IRGQ: variants seen among roughly 807,000 people sequenced by gnomAD.
IRGQ encodes immunity related GTPase Q.
IRGQ carries 5 observed loss-of-function variants against 10.5 expected under a neutral mutation model. The ratio of observed to expected loss-of-function variants is 0.48; its 90% CI spans 0.25 to 1.00. IRGQ has a LOEUF of 1.00. Ranked by LOEUF, IRGQ falls within the 50% of genes least tolerant of loss-of-function variation. The pLI, the probability that IRGQ is intolerant of heterozygous loss-of-function variation, is 0.16. For synonymous variants in IRGQ, 418 were observed against 426.0 expected, an observed-to-expected ratio of 0.98 and a Z score of 0.23; for missense variants, 792 against 877.7, an observed-to-expected ratio of 0.90 and a Z score of 1.23.
rs754354189 is a variant in IRGQ at position 43,595,144 on chromosome 19, G to C, written c.195C>G (p.Pro65=). The C allele has an allele frequency of 1.2e-6, 2 of 1,601,972 alleles. No homozygotes were observed. The highest frequency in any genetic ancestry group is 1.1e-5 in the South Asian group (1 of 90,256). Residue 65 remains proline (P), a synonymous_variant, in exon 2 of 3, where the codon CCC becomes CCG. Coordinates refer to ENST00000422989, the MANE Select transcript of IRGQ (RefSeq NM_001007561.3). ...CCGCCGCCCAGGGCCCCGGCGCTGC[G>C]GGTGGGCAGCTCAGCTCGCCCAGAA... is the stretch of plus-strand genomic sequence containing the variant. ...GLFLGELSCP[P]AAPGPWAAEA... is the part of the protein sequence containing the mutation.
Position 43,592,578 on chromosome 19 carries a change from T to C in IRGQ, c.1320A>G (p.Pro440=). 1.3e-6 allele frequency: 2 copies of C among 1,599,644 alleles called. No individual in the cohort carries two copies. The highest frequency in any genetic ancestry group is 1.1e-5 in the South Asian group (1 of 91,030). The change falls in exon 3 of 3, where the codon CCA becomes CCG. Residue 440 remains proline (P), a synonymous_variant. Coordinates refer to ENST00000422989, the MANE Select transcript of IRGQ (RefSeq NM_001007561.3). ...CTCGCCGCAGCCATTCGCATAGCCCTGGGAGTCCGCCAGGCCGTAGGGGGA... is the reference window on the plus strand; with the variant it reads ...CTCGCCGCAGCCATTCGCATAGCCCCGGGAGTCCGCCAGGCCGTAGGGGGA... ...PVFPLRPGGL[P]GLCEWLRRAL...
In IRGQ at chr19:43,595,359, A is replaced by G; in HGVS notation, c.-2-19T>C. The stretch of plus-strand genomic sequence containing the variant: ...GGCATGGCTGGAAAGCAACGGGTAG[A>G]GAAGACCTGGGTCAGGGAGCACCTA... On this transcript the variant is annotated intron_variant, in intron 1 of 2. Transcript: ENST00000422989. 6.6e-7 allele frequency: 1 copy of G among 1,522,160 alleles called. No individual in the cohort carries two copies. Among genetic ancestry groups the G allele is most frequent in the Non-Finnish European group, 8.8e-7 (1 of 1,140,880 alleles). 94.3% of individuals were successfully genotyped at this position (1,522,160 alleles called of 1,614,324 possible).
chr19:43,588,587 C>G lies in IRGQ; in HGVS notation c.*3439G>C, dbSNP rs1220030931. 6.6e-6 allele frequency: 1 copy of G among 151,972 alleles called. No individual in the cohort carries two copies. The highest frequency in any genetic ancestry group is 2.4e-5 in the African/African-American group (1 of 41,362). The allele number at this position is 151,972 out of a possible 1,614,324, so 9.4% of individuals were successfully genotyped here. A position where few individuals can be genotyped will look rare whatever the true frequency, so the allele number is the denominator to read the frequency against. ...TACAAAAATTAGCCAGGCATGGTGG[C>G]ATATGCCTGTAATCCCAGCTACTCA... is the stretch of plus-strand genomic sequence containing the variant. On this transcript the variant is annotated 3_prime_UTR_variant, in exon 3 of 3. Coordinates refer to ENST00000422989, the MANE Select transcript of IRGQ (RefSeq NM_001007561.3).
In IRGQ at chr19:43,586,680, C is replaced by T. The variant is rs1387474556; in HGVS notation, c.*5346G>A. Reference sequence around the variant, plus strand: ...ACAAAGGCACCCAGACTAGAGCCATCTTGGTGCTGCCCAGGGGTGGGTGGC... The same window carrying T: ...ACAAAGGCACCCAGACTAGAGCCATTTTGGTGCTGCCCAGGGGTGGGTGGC... On this transcript the variant is annotated 3_prime_UTR_variant, in exon 3 of 3. Coordinates refer to ENST00000422989, the MANE Select transcript of IRGQ (RefSeq NM_001007561.3). The T allele has an allele frequency of 6.6e-6, 1 of 152,224 alleles. No homozygotes were observed. Among genetic ancestry groups the T allele is most frequent in the Non-Finnish European group, 1.5e-5 (1 of 68,050 alleles). 9.4% of individuals were successfully genotyped at this position (152,224 alleles called of 1,614,324 possible).
Position 43,591,988 on chromosome 19 carries a change from C to G in IRGQ, c.*38G>C, listed in dbSNP as rs749498412. Reference sequence around the variant, plus strand: ...CACCCAGGATTAAGCCCAGGCATCCCCTGTCAGAGTCTGGACTCCCAAGCC... The same window carrying G: ...CACCCAGGATTAAGCCCAGGCATCCGCTGTCAGAGTCTGGACTCCCAAGCC... On this transcript the variant is annotated 3_prime_UTR_variant, in exon 3 of 3. Transcript: ENST00000422989. The G allele has an allele frequency of 6.5e-7, 1 of 1,539,534 alleles. No individual in the cohort carries two copies. The highest frequency in any genetic ancestry group is 1.2e-5 in the South Asian group (1 of 80,914).
At chr19:43,594,181 C>T (rs977446135) in intron 2 of IRGQ, among the ~76,000 whole-genome samples, 3 of 152,078 alleles carry the variant, frequency 2.0e-5, no homozygotes, top group Non-Finnish European at 4.4e-5. Context: ...GTAAAATCTT[C>T]CAGGGGGCTG....
At position 43,595,062 on chromosome 19, in the gene IRGQ, C is replaced by G. The variant is rs1297579098; in HGVS notation, c.277G>C (p.Ala93Pro). The change falls in exon 2 of 3, where the codon GCT becomes CCT. Residue 93 changes from alanine to proline, a missense_variant. Ala to Pro is a conservative substitution (Grantham distance 27). Transcript: ENST00000422989. ...PGPEGNGEPL[A>P]PALGEAALAA... ...AGCGCTGCCTCTCCCAGGGCTGGAG[C>G]CAACGGTTCCCCGTTCCCCTCGGGT... The G allele has an allele frequency of 6.2e-7, 1 of 1,612,796 alleles. No homozygotes were observed. Among genetic ancestry groups the G allele is most frequent in the South Asian group, 1.1e-5 (1 of 91,072 alleles).
In IRGQ at chr19:43,595,192, T is replaced by C. The variant is rs371740243; in HGVS notation, c.147A>G (p.Leu49=). ...EGRPDSGVPS[L]RAAGPGLFLG... is the part of the protein sequence containing the mutation. The stretch of plus-strand genomic sequence containing the variant: ...GAAAAAGGCCTGGGCCCGCAGCTCT[T>C]AGGCTGGGAACCCCGGAGTCCGGCC... Residue 49 remains leucine, a synonymous_variant, in exon 2 of 3, where the codon CTA becomes CTG. Coordinates refer to ENST00000422989, the MANE Select transcript of IRGQ (RefSeq NM_001007561.3). 139 of 1,611,884 alleles carry C rather than the reference T, an allele frequency of 8.6e-5. 2 individuals are homozygous for C. The African/African-American group carries it at 1.6e-3, about 19-fold the overall frequency.
At chr19:43,595,960 T>A (rs1973132426) in intron 1 of IRGQ, 22 bp downstream of exon 1, 1 of 152,260 alleles carries the variant, frequency 6.6e-6, no homozygotes, top group African/African-American at 2.4e-5. Flanking sequence ...ATCTTTCCCC[T>A]TCCCCCTTCC....
In IRGQ at chr19:43,592,411, G is replaced by A. The variant is rs1372738916; in HGVS notation, c.1487C>T (p.Pro496Leu). 6.3e-7 allele frequency: 1 copy of A among 1,576,030 alleles called. No individual in the cohort carries two copies. The highest frequency in any genetic ancestry group is 1.7e-4 in the Middle Eastern group (1 of 5,814). ...GCATGCCCAGCCCAGCCCTGGGAGT[G>A]GTGCCGCCGCCGCCGCCAGACTAGC... is the stretch of plus-strand genomic sequence containing the variant. ...LLASLAAAAA[P>L]LPGLGWACDV... The change falls in exon 3 of 3, where the codon CCA becomes CTA. Residue 496 changes from proline (P) to leucine (L), a missense_variant. Coordinates refer to ENST00000422989, the MANE Select transcript of IRGQ (RefSeq NM_001007561.3).
rs1973116515 is a variant in IRGQ at position 43,595,087 on chromosome 19, TC to T, written c.251del (p.Gly84AspfsTer52). 1.2e-6 allele frequency: 2 copies of T among 1,611,174 alleles called. No homozygotes were observed. The highest frequency in any genetic ancestry group is 1.7e-5 in the Admixed American group (1 of 59,746). On this transcript the variant is annotated frameshift_variant, in exon 2 of 3. Transcript: ENST00000422989. LOFTEE classifies it high-confidence loss of function. Reference sequence around the variant, plus strand: ...CCAACGGTTCCCCGTTCCCCTCGGGTCCGGGCAGCACCAGTACCAGCACGTT... The same window carrying T: ...CCAACGGTTCCCCGTTCCCCTCGGGTCGGGCAGCACCAGTACCAGCACGTT... ...EANVLVLVLP[G>X]PEGNGEPLAP... is the part of the protein sequence containing the mutation.
chr19:43,592,077 C>T lies in IRGQ; in HGVS notation c.1821G>A (p.Glu607=). Residue 607 remains glutamate, a synonymous_variant, in exon 3 of 3, where the codon GAG becomes GAA. Transcript: ENST00000422989. ...GCACAGCCTCAGCATCAGCCCGCAT[C>T]TCATCGAGAGCCTGCAGCAGGACGC... is the stretch of plus-strand genomic sequence containing the variant. ...AHGVLLQALD[E]MRADAEAVLA... 6.2e-7 allele frequency: 1 copy of T among 1,612,504 alleles called. No individual in the cohort carries two copies. The highest frequency in any genetic ancestry group is 8.5e-7 in the Non-Finnish European group (1 of 1,179,652).
rs1972981556 is a variant in IRGQ at position 43,585,297 on chromosome 19, GGC to G, written c.*6727_*6728del. The G allele has an allele frequency of 6.6e-6, 1 of 151,930 alleles. No homozygotes were observed. Among genetic ancestry groups the G allele is most frequent in the Non-Finnish European group, 1.5e-5 (1 of 68,158 alleles). The allele number at this position is 151,930 out of a possible 1,614,324, so 9.4% of individuals were successfully genotyped here. On this transcript the variant is annotated 3_prime_UTR_variant, in exon 3 of 3. Transcript: ENST00000422989. ...TCTGTTGCCCAGGCTGGAGTGCAGC[GGC>G]GCAGTCTCAGCTCACTACAACCTCC...
Position 43,587,255 on chromosome 19 carries a change from G to A in IRGQ, c.*4771C>T, listed in dbSNP as rs1973004356. The stretch of plus-strand genomic sequence containing the variant: ...TGATGCAAGAGAATCAGTTGAACCT[G>A]GGAGGCAGAGGTTGCAGTGAGCTGA... On this transcript the variant is annotated 3_prime_UTR_variant, in exon 3 of 3. Coordinates refer to ENST00000422989, the MANE Select transcript of IRGQ (RefSeq NM_001007561.3). The A allele has an allele frequency of 6.6e-6, 1 of 152,196 alleles. No homozygotes were observed. The highest frequency in any genetic ancestry group is 2.1e-4 in the South Asian group (1 of 4,836). 9.4% of individuals were successfully genotyped at this position (152,196 alleles called of 1,614,324 possible). A position where few individuals can be genotyped will look rare whatever the true frequency, so the allele number is the denominator to read the frequency against.
chr19:43,595,379 C>A, intron 1 of IRGQ, 39 bp from the exon 2 acceptor site: 1 of 1,500,254 alleles, frequency 6.7e-7, no homozygotes, highest in Non-Finnish European at 8.8e-7. Context: ...GGTCAGGGAG[C>A]ACCTAGCCTT....
chr19:43,595,483 TC>T, intron 1 of IRGQ, 143 bp from the exon 2 acceptor site: 1 of 659,244 alleles, frequency 1.5e-6, no homozygotes, highest in Non-Finnish European at 2.3e-6. Flanking sequence ...ACCTAAAAAA[TC>T]CAGAGCCCAG....
rs1337446033 is a variant in IRGQ at position 43,591,981 on chromosome 19, G to C, written c.*45C>G. The C allele has an allele frequency of 6.5e-7, 1 of 1,534,184 alleles. No individual in the cohort carries two copies. The highest frequency in any genetic ancestry group is 8.8e-7 in the Non-Finnish European group (1 of 1,138,012). On this transcript the variant is annotated 3_prime_UTR_variant, in exon 3 of 3. Transcript: ENST00000422989. ...CTTCAAGCACCCAGGATTAAGCCCA[G>C]GCATCCCCTGTCAGAGTCTGGACTC...
rs1156673423 is a variant in IRGQ at position 43,586,651 on chromosome 19, T to A, written c.*5375A>T. 1 of 151,842 alleles carries A rather than the reference T, an allele frequency of 6.6e-6. No homozygotes were observed. The highest frequency in any genetic ancestry group is 1.5e-5 in the Non-Finnish European group (1 of 67,990). The allele number at this position is 151,842 out of a possible 1,614,324, so 9.4% of individuals were successfully genotyped here. A position where few individuals can be genotyped will look rare whatever the true frequency, so the allele number is the denominator to read the frequency against. The stretch of plus-strand genomic sequence containing the variant: ...CACACTCCGAGCAAAGGCATGGGGG[T>A]GAGACAAAGGCACCCAGACTAGAGC... On this transcript the variant is annotated 3_prime_UTR_variant, in exon 3 of 3. Coordinates refer to ENST00000422989, the MANE Select transcript of IRGQ (RefSeq NM_001007561.3).
chr19:43,594,311 C>G (rs1022013068), intron 2 of IRGQ, among the ~76,000 whole-genome samples: 3 of 152,148 alleles, frequency 2.0e-5, no homozygotes, highest in African/African-American at 7.2e-5. Context: ...AAGTGTTAAG[C>G]CTTTCCCTTT....
Sources: allele counts gnomAD v4.1 joint callset (sites outside exome capture counted in the v4.1 genomes callset), GRCh38; gene constraint gnomAD v4.1.1; transcripts MANE v1.5; gene names NCBI Gene and HGNC (gene_info 2026-07-23, HGNC 2026-07-21).